The following LYPLAL1 variants were observed in gnomAD, a reference collection of about 807,000 sequenced individuals.
LYPLAL1 encodes lysophospholipase-like protein 1.
In LYPLAL1, 23 loss-of-function variants were observed where a neutral mutation model predicts 19.7. The ratio of observed to expected loss-of-function variants is 1.17; its 90% CI spans 0.84 to 1.65. LYPLAL1 has a LOEUF of 1.65. LYPLAL1 is among the 40% of genes most tolerant of loss of function. The pLI is 0.00. For synonymous variants in LYPLAL1, 119 were observed against 96.3 expected, an observed-to-expected ratio of 1.24 and a Z score of -1.38; for missense variants, 355 against 279.4, an observed-to-expected ratio of 1.27 and a Z score of -1.93.
At chr1:219,316,985 C>T in the LYPLAL1 span, among the ~76,000 whole-genome samples, 3 of 152,214 alleles carry the variant, frequency 2.0e-5, no homozygotes, top group South Asian at 2.1e-4. Context: ...GGATGCACAA[C>T]ATTACTAATG....
chr1:219,270,237 T>C, the LYPLAL1 span, among the ~76,000 whole-genome samples: 1 of 152,078 alleles, frequency 6.6e-6, no homozygotes, highest in African/African-American at 2.4e-5. Context: ...CCATGGAAAA[T>C]TAGGACGCAG....
chr1:219,254,970 C>A, the LYPLAL1 span, among the ~76,000 whole-genome samples: 1 of 151,858 alleles, frequency 6.6e-6, no homozygotes. Flanking sequence ...ACTTTTCATT[C>A]TTTTTTATTT....
chr1:219,327,088 C>G, the LYPLAL1 span, among the ~76,000 whole-genome samples: 5 of 152,058 alleles, frequency 3.3e-5, no homozygotes, highest in Admixed American at 6.5e-5. Flanking sequence ...CAGAGCTAGA[C>G]CCCGTCTCAA....
intron 3 of LYPLAL1, among the ~76,000 whole-genome samples, chr1:219,195,731 G>A (rs1264445059): frequency 6.6e-6 from 1 of 152,126 alleles, no homozygotes; most frequent in African/African-American, 2.4e-5. Context: ...TGCAGGACAT[G>A]CAGGTTTGTT....
At chr1:219,383,726 A>G in the LYPLAL1 span, among the ~76,000 whole-genome samples, 1 of 152,346 alleles carries the variant, frequency 6.6e-6, no homozygotes, top group African/African-American at 2.4e-5. Flanking sequence ...AACTGTCTCA[A>G]CTTTCATAGT....
At chr1:219,351,399 G>C in the LYPLAL1 span, among the ~76,000 whole-genome samples, 2 of 151,942 alleles carry the variant, frequency 1.3e-5, no homozygotes, top group African/African-American at 4.8e-5. Context: ...GAATTAAGGA[G>C]GGCACATCAT....
At chr1:219,423,274 G>A in the LYPLAL1 span, among the ~76,000 whole-genome samples, 51 of 152,190 alleles carry the variant, frequency 3.4e-4, no homozygotes, top group South Asian at 0.011. Context: ...TCTACTGGCC[G>A]ATATCTCCAC....
the LYPLAL1 span, among the ~76,000 whole-genome samples, chr1:219,257,913 C>G: frequency 6.6e-6 from 1 of 151,986 alleles, no homozygotes; most frequent in African/African-American, 2.4e-5. Context: ...GACAGACACT[C>G]CCAGAGTGGC....
chr1:219,198,009 T>G (rs1851972), intron 3 of LYPLAL1, among the ~76,000 whole-genome samples: 146,831 of 152,186 alleles, frequency 0.96, 71,058 homozygotes, highest in East Asian at 1. Flanking sequence ...ACTTGATTTT[T>G]CAATGTCTGT....
the LYPLAL1 span, among the ~76,000 whole-genome samples, chr1:219,392,377 T>C: frequency 6.6e-6 from 1 of 152,148 alleles, no homozygotes; most frequent in Admixed American, 6.5e-5. Context: ...ATCCTCCTCA[T>C]TTGTTTGTAT....
the LYPLAL1 span, among the ~76,000 whole-genome samples, chr1:219,411,382 CTG>C: frequency 1.3e-5 from 2 of 152,156 alleles, no homozygotes; most frequent in African/African-American, 4.8e-5. Flanking sequence ...CCAATCAACA[CTG>C]TATCTAGCTG....
chr1:219,399,858 A>G, the LYPLAL1 span, among the ~76,000 whole-genome samples: 37,745 of 152,006 alleles, frequency 0.25, 4,774 homozygotes, highest in Non-Finnish European at 0.28. Context: ...GGAGCAAGTT[A>G]AGCCCAGGGG....
At chr1:219,344,917 T>A in the LYPLAL1 span, among the ~76,000 whole-genome samples, 1 of 152,132 alleles carries the variant, frequency 6.6e-6, no homozygotes, top group African/African-American at 2.4e-5. Flanking sequence ...ATTACTGAAC[T>A]TTTTTTCTGA....
the LYPLAL1 span, among the ~76,000 whole-genome samples, chr1:219,339,376 A>G: frequency 6.6e-6 from 1 of 152,066 alleles, no homozygotes; most frequent in Non-Finnish European, 1.5e-5. Context: ...GTATTATAAT[A>G]AGGAGCAACG....
chr1:219,320,686 CGGTGTTT>C, the LYPLAL1 span, among the ~76,000 whole-genome samples: 6 of 152,072 alleles, frequency 3.9e-5, no homozygotes, highest in Admixed American at 3.9e-4. Flanking sequence ...TGAGAACATG[CGGTGTTT>C]GGTTTTCTGT....
At chr1:219,323,613 G>C in the LYPLAL1 span, among the ~76,000 whole-genome samples, 1 of 152,128 alleles carries the variant, frequency 6.6e-6, no homozygotes, top group African/African-American at 2.4e-5. Context: ...AATGAAACAT[G>C]TACCAAAGTG....
At chr1:219,203,209 T>C (rs1181697411) in intron 3 of LYPLAL1, among the ~76,000 whole-genome samples, 1 of 152,172 alleles carries the variant, frequency 6.6e-6, no homozygotes, top group African/African-American at 2.4e-5. Context: ...AACTACTCTC[T>C]GTATTTGATG....
At chr1:219,332,883 GA>G in the LYPLAL1 span, among the ~76,000 whole-genome samples, 1 of 149,878 alleles carries the variant, frequency 6.7e-6, no homozygotes, top group East Asian at 2.0e-4. Context: ...CTCTGGGGGA[GA>G]ATCCATTTCT....
chr1:219,305,249 A>C, the LYPLAL1 span, among the ~76,000 whole-genome samples: 2 of 152,158 alleles, frequency 1.3e-5, no homozygotes, highest in African/African-American at 4.8e-5. Flanking sequence ...AGGTGATGAG[A>C]TATGACATGT....
Sources: gnomAD v4.1 joint callset for allele counts (sites outside exome capture counted in the v4.1 genomes callset) on GRCh38, gnomAD v4.1.1 for gene constraint, MANE v1.5 for transcripts, NCBI Gene and HGNC (gene_info 2026-07-23, HGNC 2026-07-21) for gene names.